Variants in FRMPD4 observed in about 807,000 individuals in gnomAD.
FRMPD4 encodes the protein FERM and PDZ domain containing 4, also known as FERM and PDZ domain-containing protein 4.
A neutral mutation model predicts 94.1 loss-of-function variants in FRMPD4; 22 were observed. That is an observed-to-expected ratio of 0.23 (90% CI 0.17 to 0.33). The LOEUF is 0.33. Ranked by LOEUF, FRMPD4 falls within the 10% of genes least tolerant of loss-of-function variation. FRMPD4 has a pLI of 1.00. For missense variants in FRMPD4, 1,111 were observed against 1,339.9 expected (o/e 0.83, Z 2.67); for synonymous variants, 631 against 548.6 (o/e 1.15, Z -2.10).
At chrX:12,263,948 T>C (rs1038945340) in intron 1 of FRMPD4, among the ~76,000 whole-genome samples, 1 of 111,543 alleles carries the variant, frequency 9.0e-6, no homozygotes, top group Non-Finnish European at 1.9e-5. Context: ...CAAGCCCTTT[T>C]ATAATCAACT....
At chrX:12,191,881 A>T (rs1303427141) in intron 1 of FRMPD4, among the ~76,000 whole-genome samples, 1 of 111,730 alleles carries the variant, frequency 9.0e-6, no homozygotes, top group East Asian at 2.8e-4. Context: ...CCTTTGGGTG[A>T]TAATGATGTG....
At chrX:12,134,497 A>G (rs1319086426), upstream of FRMPD4, among the ~76,000 whole-genome samples, 4 of 112,166 alleles carry the variant, frequency 3.6e-5, no homozygotes, top group Admixed American at 3.8e-4. Flanking sequence ...GAGATGCTTC[A>G]GTCCAGCTGA....
intron 4 of FRMPD4, among the ~76,000 whole-genome samples, chrX:12,651,909 C>T (rs2059598902): frequency 8.9e-6 from 1 of 112,553 alleles, no homozygotes; most frequent in Admixed American, 9.4e-5. Context: ...TGGCAGATGA[C>T]ACTACCTGTC....
At chrX:12,218,502 G>C (rs2056830843) in intron 1 of FRMPD4, among the ~76,000 whole-genome samples, 1 of 111,826 alleles carries the variant, frequency 8.9e-6, no homozygotes, top group African/African-American at 3.3e-5. Flanking sequence ...TGAGAATTTA[G>C]TTATTGTAGT....
intron 3 of FRMPD4, among the ~76,000 whole-genome samples, chrX:11,900,751 G>A (rs1344253115): frequency 1.8e-5 from 2 of 111,448 alleles, no homozygotes; most frequent in East Asian, 2.8e-4. Context: ...ACACAACCCC[G>A]ACACCTCCAC....
intron 3 of FRMPD4, among the ~76,000 whole-genome samples, chrX:12,016,179 A>G (rs1213609031): frequency 2.7e-5 from 3 of 111,835 alleles, no homozygotes; most frequent in African/African-American, 9.8e-5. Context: ...GTAGAAGAGA[A>G]GAAAGTTGAG....
chrX:12,276,982 G>A (rs1267033728), intron 1 of FRMPD4, among the ~76,000 whole-genome samples: 10 of 106,085 alleles, frequency 9.4e-5, no homozygotes, highest in African/African-American at 3.4e-4. Flanking sequence ...TTAGCCGGGC[G>A]TAGTGGCGGG....
At chrX:11,962,944 T>A (rs1257752263) in intron 3 of FRMPD4, among the ~76,000 whole-genome samples, 1 of 112,276 alleles carries the variant, frequency 8.9e-6, no homozygotes, top group African/African-American at 3.2e-5. Flanking sequence ...GTTATACACA[T>A]AAAATACATC....
intron 11 of FRMPD4, 127 bp from the exon 12 acceptor site, chrX:12,706,697 CTT>C: frequency 2.4e-6 from 1 of 421,378 alleles, no homozygotes; most frequent in South Asian, 5.8e-5. Context: ...AATGAATAGT[CTT>C]TGTCACATCT....
intron 1 of FRMPD4, among the ~76,000 whole-genome samples, chrX:11,859,801 A>G (rs2053675254): frequency 8.9e-6 from 1 of 112,126 alleles, no homozygotes; most frequent in Non-Finnish European, 1.9e-5. Context: ...CTAATCCAAC[A>G]CTAAGATTGT....
intron 3 of FRMPD4, among the ~76,000 whole-genome samples, chrX:12,011,790 T>A (rs1467843964): frequency 2.7e-5 from 3 of 112,005 alleles, no homozygotes; most frequent in Non-Finnish European, 5.6e-5. Flanking sequence ...ATATAAGACA[T>A]TGTTGTCATT....
intron 3 of FRMPD4, among the ~76,000 whole-genome samples, chrX:11,977,664 T>C (rs1182759774): frequency 1.9e-5 from 2 of 106,186 alleles, no homozygotes; most frequent in Admixed American, 1.0e-4. Flanking sequence ...CAAATACATT[T>C]AAGAAATATA....
In FRMPD4 at chrX:12,632,691, G is replaced by A. The variant is rs183233565; in HGVS notation, c.422+17810G>A. Among the ~76,000 whole-genome samples the A allele has an allele frequency of 2.9e-3, 324 of 110,713 alleles. 3 individuals are homozygous for A. Among genetic ancestry groups the A allele is most frequent in the Middle Eastern group, 0.019 (4 of 216 alleles). On this transcript the variant is annotated intron_variant, in intron 4 of 16. Transcript: ENST00000675598. ...CAAGCAATGGAACAGGGAGCAGGGA[G>A]GTAGCAATGATCAAGATCTACTCTC...
rs182691579 is a variant in FRMPD4, at chrX:12,172,551, C to G, written c.41+33539C>G. 3.2e-3 allele frequency among the ~76,000 whole-genome samples: 357 copies of G among 112,094 alleles called. 5 individuals are homozygous for G. Among genetic ancestry groups the G allele is most frequent in the Admixed American group, 0.029 (309 of 10,562 alleles). The stretch of plus-strand genomic sequence containing the variant: ...GGGCCCACTCCTAGGGTTTCTGATT[C>G]AGCAGGTCTGGGGTGGGTCCTGAGA... On this transcript the variant is annotated intron_variant, in intron 1 of 16. Coordinates refer to ENST00000675598, the MANE Select transcript of FRMPD4 (RefSeq NM_001368397.1).
At chrX:12,368,235 G>A in intron 1 of FRMPD4, among the ~76,000 whole-genome samples, 1 of 111,953 alleles carries the variant, frequency 8.9e-6, no homozygotes, top group Admixed American at 9.5e-5. Context: ...AGTGCTAAAG[G>A]AGATGAAATA....
intron 3 of FRMPD4, among the ~76,000 whole-genome samples, chrX:12,010,974 A>G (rs774197328): frequency 1.8e-5 from 2 of 112,413 alleles, no homozygotes; most frequent in African/African-American, 6.5e-5. Flanking sequence ...TGGCAGATCT[A>G]TAGGGGTAGA....
chrX:12,391,988 G>C (rs2056481047), intron 1 of FRMPD4, among the ~76,000 whole-genome samples: 1 of 111,308 alleles, frequency 9.0e-6, no homozygotes, highest in African/African-American at 3.3e-5. Context: ...TTGAGTGCTT[G>C]AAATCAATAG....
intron 1 of FRMPD4, among the ~76,000 whole-genome samples, chrX:12,389,862 G>A (rs1031927852): frequency 1.8e-5 from 2 of 111,355 alleles, no homozygotes; most frequent in South Asian, 3.8e-4. Context: ...ACAAACAATC[G>A]CATTTCCATC....
intron 1 of FRMPD4, among the ~76,000 whole-genome samples, chrX:12,308,636 G>C (rs1206010746): frequency 1.8e-5 from 2 of 111,485 alleles, no homozygotes; most frequent in South Asian, 7.7e-4. Context: ...AACAGACACT[G>C]TAGGGGGGTG....
Sources: gnomAD v4.1 joint callset for allele counts (sites outside exome capture counted in the v4.1 genomes callset) on GRCh38, gnomAD v4.1.1 for gene constraint, MANE v1.5 for transcripts, NCBI Gene and HGNC (gene_info 2026-07-23, HGNC 2026-07-21) for gene names.